Variants in YEATS4 observed in about 807,000 individuals in gnomAD.
YEATS4 encodes YEATS domain-containing protein 4.
In YEATS4, 17 loss-of-function variants were observed where a neutral mutation model predicts 30.1. That is an observed-to-expected ratio of 0.56 (90% confidence interval 0.39 to 0.85). The LOEUF (loss-of-function observed/expected upper bound fraction) is 0.85, where lower values mean the gene tolerates loss of function less well. Among genes scored for constraint, YEATS4 ranks in the 40% least tolerant of loss-of-function variants. The pLI, the probability that YEATS4 is intolerant of heterozygous loss-of-function variation, is 0.00. For synonymous variants in YEATS4, 85 were observed against 87.5 expected (o/e 0.97, Z 0.16); for missense variants, 142 against 268.3 (o/e 0.53, Z 3.29).
chr12:69,423,313 A>G, the YEATS4 span, among the ~76,000 whole-genome samples: 19,098 of 152,224 alleles, frequency 0.13, 1,529 homozygotes, highest in East Asian at 0.38. Context: ...CCAGTCAAGT[A>G]AAGGAGATAG....
intron 2 of YEATS4, among the ~76,000 whole-genome samples, chr12:69,365,075 A>C (rs1875375559): frequency 6.6e-6 from 1 of 152,240 alleles, no homozygotes; most frequent in Admixed American, 6.5e-5. Flanking sequence ...TGCCAAAAAA[A>C]AAGTTAATTT....
At chr12:69,405,599 A>G in the YEATS4 span, among the ~76,000 whole-genome samples, 1 of 152,214 alleles carries the variant, frequency 6.6e-6, no homozygotes, top group Non-Finnish European at 1.5e-5. Context: ...GAACACAAGC[A>G]CTGTGATACT....
chr12:69,368,092 A>T (rs1017091829), intron 4 of YEATS4, among the ~76,000 whole-genome samples: 4 of 152,178 alleles, frequency 2.6e-5, no homozygotes, highest in African/African-American at 9.7e-5. Context: ...CATAGGCCTG[A>T]ATTTTATTCT....
the YEATS4 span, among the ~76,000 whole-genome samples, chr12:69,426,791 A>G: frequency 2.0e-5 from 3 of 152,222 alleles, no homozygotes; most frequent in Non-Finnish European, 2.9e-5. Flanking sequence ...CAATCTGTTC[A>G]TTTTAAAAAT....
intron 6 of YEATS4, among the ~76,000 whole-genome samples, chr12:69,385,322 T>C (rs1185956362): frequency 6.6e-6 from 1 of 152,158 alleles, no homozygotes; most frequent in Non-Finnish European, 1.5e-5. Flanking sequence ...ATGAATTGTT[T>C]TGTGAGTATA....
chr12:69,424,403 C>A, the YEATS4 span, among the ~76,000 whole-genome samples: 3 of 152,162 alleles, frequency 2.0e-5, no homozygotes, highest in African/African-American at 7.2e-5. Context: ...TTATCCTTCC[C>A]TTCCATAGTC....
chr12:69,420,809 C>T, the YEATS4 span, among the ~76,000 whole-genome samples: 1 of 152,212 alleles, frequency 6.6e-6, no homozygotes, highest in Non-Finnish European at 1.5e-5. Flanking sequence ...TCCCTTCCAT[C>T]CCCGGCCTCC....
the YEATS4 span, among the ~76,000 whole-genome samples, chr12:69,423,338 A>T: frequency 6.6e-6 from 1 of 152,234 alleles, no homozygotes; most frequent in African/African-American, 2.4e-5. Context: ...AGAAACAAGT[A>T]ATTACCACAG....
At chr12:69,415,405 T>C in the YEATS4 span, among the ~76,000 whole-genome samples, 4 of 152,132 alleles carry the variant, frequency 2.6e-5, no homozygotes, top group Non-Finnish European at 5.9e-5. Flanking sequence ...TGAAACCCCA[T>C]CTGTACTAAA....
intron 2 of YEATS4, 130 bp downstream of exon 2, chr12:69,363,037 G>T: frequency 3.5e-6 from 3 of 860,596 alleles, no homozygotes; most frequent in Non-Finnish European, 4.5e-6. Context: ...CTGTCGCCCA[G>T]GCTGGAGTGC....
At chr12:69,417,547 G>C in the YEATS4 span, among the ~76,000 whole-genome samples, 7 of 152,232 alleles carry the variant, frequency 4.6e-5, no homozygotes, top group South Asian at 6.2e-4. Context: ...TGAACATAAG[G>C]CTGCCTTGGT....
At chr12:69,360,084 G>C in intron 1 of YEATS4, 61 bp downstream of exon 1, 3 of 1,558,776 alleles carry the variant, frequency 1.9e-6, no homozygotes, top group Non-Finnish European at 2.6e-6. Context: ...CTCCCTGCGC[G>C]GCGCGGGGAG....
the YEATS4 span, among the ~76,000 whole-genome samples, chr12:69,421,355 C>G: frequency 6.6e-4 from 101 of 152,222 alleles, no homozygotes; most frequent in African/African-American, 2.3e-3. Flanking sequence ...GTGTGTCAGG[C>G]AATTACTGAG....
intron 6 of YEATS4, among the ~76,000 whole-genome samples, chr12:69,383,358 C>T (rs1876153210): frequency 6.6e-6 from 1 of 151,932 alleles, no homozygotes; most frequent in African/African-American, 2.4e-5. Flanking sequence ...CCATGGCATT[C>T]AAAGAGAGGA....
rs1486114927 is a variant in YEATS4 at position 69,359,807 on chromosome 12, G to A, written c.-166G>A. The A allele has an allele frequency of 2.7e-6, 2 of 733,152 alleles. No homozygotes were observed. Among genetic ancestry groups the A allele is most frequent in the Admixed American group, 3.0e-5 (1 of 33,718 alleles). The allele number at this position is 733,152 out of a possible 1,614,324, so 45.4% of individuals were successfully genotyped here. On this transcript the variant is annotated 5_prime_UTR_variant, in exon 1 of 7. Transcript: ENST00000247843. ...GCCTTCAGGAGCACAGTCGGCCTGA[G>A]GAGTTGACGGTTACTCACCGCCGTG...
chr12:69,387,391 G>A (rs912241011), intron 6 of YEATS4, among the ~76,000 whole-genome samples: 4 of 152,192 alleles, frequency 2.6e-5, no homozygotes, highest in Non-Finnish European at 5.9e-5. Flanking sequence ...GTTGCTTGAT[G>A]TTCTTCCAGA....
intron 6 of YEATS4, among the ~76,000 whole-genome samples, chr12:69,389,104 A>G (rs966432772): frequency 2.8e-4 from 43 of 152,216 alleles, no homozygotes; most frequent in African/African-American, 9.9e-4. Context: ...AGTTATTGCC[A>G]CCTATTTGAA....
Position 69,359,914 on chromosome 12 carries a change from G to A in YEATS4, c.-59G>A. The A allele has an allele frequency of 6.2e-7, 1 of 1,604,400 alleles. No homozygotes were observed. Among genetic ancestry groups the A allele is most frequent in the Non-Finnish European group, 8.5e-7 (1 of 1,173,578 alleles). ...AGGAGCGCGGTCTCTGAGGGGAGCGGCGACCCCGCCAGCCCCGGTCTCTTT... is the reference window on the plus strand; with the variant it reads ...AGGAGCGCGGTCTCTGAGGGGAGCGACGACCCCGCCAGCCCCGGTCTCTTT... On this transcript the variant is annotated 5_prime_UTR_variant, in exon 1 of 7. Transcript: ENST00000247843.
At chr12:69,363,340 C>T (rs535131963) in intron 2 of YEATS4, among the ~76,000 whole-genome samples, 34 of 151,850 alleles carry the variant, frequency 2.2e-4, no homozygotes, top group Non-Finnish European at 4.6e-4. Context: ...AAAATTGGTC[C>T]GTTGTAGGAA....
Sources: allele counts gnomAD v4.1 joint callset (sites outside exome capture counted in the v4.1 genomes callset), GRCh38; gene constraint gnomAD v4.1.1; transcripts MANE v1.5; gene names NCBI Gene and HGNC (gene_info 2026-07-23, HGNC 2026-07-21).